The following SLC12A8 variants were observed in gnomAD, a reference collection of about 807,000 sequenced individuals.
SLC12A8 encodes solute carrier family 12 member 8, also known as cation-chloride cotransporter 9.
In SLC12A8, 69 loss-of-function variants were observed where a neutral mutation model predicts 75.6. That is an observed-to-expected ratio of 0.91 (90% CI 0.75 to 1.11). The LOEUF (loss-of-function observed/expected upper bound fraction) is 1.11. Ranked by LOEUF, SLC12A8 falls within the 50% of genes most tolerant of loss-of-function variation. SLC12A8 has a pLI of 0.00. For synonymous variants in SLC12A8, 365 were observed against 372.8 expected (o/e 0.98, Z 0.24); for missense variants, 877 against 896.7 (o/e 0.98, Z 0.28).
At chr3:125,108,555 G>C (rs1939101993) in intron 9 of SLC12A8, among the ~76,000 whole-genome samples, 1 of 152,086 alleles carries the variant, frequency 6.6e-6, no homozygotes, top group African/African-American at 2.4e-5. Context: ...TTCTTGTAGA[G>C]ACGTGGTTTT....
intron 10 of SLC12A8, among the ~76,000 whole-genome samples, chr3:125,096,780 C>T (rs900187112): frequency 1.3e-5 from 2 of 152,078 alleles, no homozygotes; most frequent in South Asian, 4.2e-4. Context: ...ATAAATAATT[C>T]TGTTATGATT....
intron 4 of SLC12A8, among the ~76,000 whole-genome samples, chr3:125,181,854 A>T (rs1934670872): frequency 6.6e-6 from 1 of 152,060 alleles, no homozygotes; most frequent in Non-Finnish European, 1.5e-5. Flanking sequence ...AAAAATATAG[A>T]CTATTAGGAA....
chr3:125,177,893 G>A lies in SLC12A8; in HGVS notation c.472C>T (p.Arg158Ter), dbSNP rs778614400. The A allele has an allele frequency of 9.3e-6, 15 of 1,613,962 alleles. No individual in the cohort carries two copies. Among genetic ancestry groups the A allele is most frequent in the South Asian group, 2.2e-5 (2 of 91,080 alleles). The change falls in exon 5 of 14, where the codon CGA becomes TGA. Residue 158 changes from arginine (R) to a stop codon, truncating the protein, a stop_gained. Transcript: ENST00000469902. LOFTEE classifies it high-confidence loss of function. ...AGAAGCACCGCAACTGAAATTCCTC[G>A]CACAGCCCAGATATTCCCGAGGCCC... ...LLGLGNIWAV[R>*]GISVAVLLAL... is the part of the protein sequence containing the mutation.
At chr3:125,147,788 T>C (rs185151371) in intron 5 of SLC12A8, among the ~76,000 whole-genome samples, 53 of 152,328 alleles carry the variant, frequency 3.5e-4, no homozygotes, top group African/African-American at 1.2e-3. Flanking sequence ...ATGCAAAGTA[T>C]GGTCCCCAAC....
intron 4 of SLC12A8, among the ~76,000 whole-genome samples, chr3:125,178,919 G>C (rs898887533): frequency 6.6e-6 from 1 of 152,014 alleles, no homozygotes; most frequent in African/African-American, 2.4e-5. Context: ...GAAATCCTTG[G>C]CACATGTTTT....
At chr3:125,122,956 C>T (rs1428570920) in intron 6 of SLC12A8, among the ~76,000 whole-genome samples, 2 of 151,988 alleles carry the variant, frequency 1.3e-5, no homozygotes, top group East Asian at 3.8e-4. Context: ...AAAAAAAATC[C>T]AAGAACAACA....
At chr3:125,167,746 G>A (rs996635099) in intron 5 of SLC12A8, among the ~76,000 whole-genome samples, 4 of 152,208 alleles carry the variant, frequency 2.6e-5, no homozygotes, top group Non-Finnish European at 4.4e-5. Flanking sequence ...CCAAGAGCAA[G>A]AACTTAGGTC....
intron 5 of SLC12A8, among the ~76,000 whole-genome samples, chr3:125,174,453 C>A (rs1934477889): frequency 6.6e-6 from 1 of 152,150 alleles, no homozygotes; most frequent in Admixed American, 6.5e-5. Flanking sequence ...ATAGTCTTAC[C>A]ACATGCTCCA....
At chr3:125,173,452 CAAA>C (rs61001520) in intron 5 of SLC12A8, among the ~76,000 whole-genome samples, 9 of 79,620 alleles carry the variant, frequency 1.1e-4, no homozygotes, top group East Asian at 4.2e-4. Flanking sequence ...ATTCATGAGC[CAAA>C]AAAAAAAAAA....
intron 10 of SLC12A8, among the ~76,000 whole-genome samples, chr3:125,101,701 C>G (rs1288320144): frequency 6.6e-6 from 1 of 152,188 alleles, no homozygotes; most frequent in African/African-American, 2.4e-5. Context: ...AATACAGCCT[C>G]AAGTTAATTT....
In SLC12A8 at chr3:125,103,331, A is replaced by G. The variant is rs1451348413; in HGVS notation, c.1705+4150T>C. Among the ~76,000 whole-genome samples, 5 of 152,062 alleles carry G rather than the reference A, an allele frequency of 3.3e-5. No homozygotes were observed. The East Asian group carries it at 5.8e-4, about 18-fold the overall frequency. ...AAGAGCCCAAGAGAAAAACCTCTAGATATTCACATTTGGGGGTCCTCCAGT... is the reference window on the plus strand; with the variant it reads ...AAGAGCCCAAGAGAAAAACCTCTAGGTATTCACATTTGGGGGTCCTCCAGT... On this transcript the variant is annotated intron_variant, in intron 10 of 13. Transcript: ENST00000469902.
chr3:125,130,225 G>C (rs1414092881), intron 6 of SLC12A8, among the ~76,000 whole-genome samples: 2 of 152,184 alleles, frequency 1.3e-5, no homozygotes, highest in Admixed American at 6.5e-5. Flanking sequence ...TTCAGCGGAA[G>C]GACAACGACA....
At chr3:125,112,473 A>C (rs1269991894) in intron 8 of SLC12A8, among the ~76,000 whole-genome samples, 1 of 152,042 alleles carries the variant, frequency 6.6e-6, no homozygotes, top group Non-Finnish European at 1.5e-5. Context: ...TGAGCACCTC[A>C]CAGGTAGAAT....
In SLC12A8 at chr3:125,187,326, T is replaced by G. The variant is rs934195592; in HGVS notation, c.301A>C (p.Ile101Leu). 1 of 1,614,192 alleles carries G rather than the reference T, an allele frequency of 6.2e-7. No individual in the cohort carries two copies. The highest frequency in any genetic ancestry group is 2.2e-5 in the East Asian group (1 of 44,884). Residue 101 changes from isoleucine to leucine, a missense_variant, in exon 4 of 14, where the codon ATC becomes CTC. Physicochemically the swap from Ile to Leu is conservative, Grantham distance 5 (BLOSUM62 2). Transcript: ENST00000469902. ...ATGGAGTAGACGCCACCGCTGCCGATGCTGCTGCGCTCCCCGACGCCAATG... is the reference window on the plus strand; with the variant it reads ...ATGGAGTAGACGCCACCGCTGCCGAGGCTGCTGCGCTCCCCGACGCCAATG... ...SGIGVGERSSIGSGGVYSMIS... is the reference protein window; with the variant it reads ...SGIGVGERSSLGSGGVYSMIS...
intron 8 of SLC12A8, 87 bp from the exon 9 acceptor site, chr3:125,110,422 T>C: frequency 4.4e-6 from 6 of 1,358,180 alleles, no homozygotes; most frequent in South Asian, 2.7e-5. Context: ...CTGCACCCCA[T>C]GCAATCATCC....
intron 5 of SLC12A8, among the ~76,000 whole-genome samples, chr3:125,158,000 A>C (rs996820026): frequency 3.9e-5 from 6 of 152,290 alleles, no homozygotes; most frequent in Non-Finnish European, 8.8e-5. Flanking sequence ...GAGGAGACAA[A>C]GAAATACAGA....
intron 2 of SLC12A8, among the ~76,000 whole-genome samples, chr3:125,195,020 C>T (rs905939991): frequency 6.6e-6 from 1 of 152,226 alleles, no homozygotes; most frequent in Non-Finnish European, 1.5e-5. Context: ...CCACAGTCCA[C>T]ATGTGCAGCT....
At chr3:125,141,862 G>C (rs1191779101) in intron 5 of SLC12A8, among the ~76,000 whole-genome samples, 1 of 152,026 alleles carries the variant, frequency 6.6e-6, no homozygotes, top group African/African-American at 2.4e-5. Flanking sequence ...GCTCCGGACG[G>C]AGCTAGGAGG....
Position 125,085,825 on chromosome 3 carries a change from C to G in SLC12A8, c.1983-1773G>C, listed in dbSNP as rs138520761. On this transcript the variant is annotated intron_variant, in intron 13 of 13. Transcript: ENST00000469902. ...CTCCTGGCCTAAGTGATCGGCCTGC[C>G]TCAGCCTCCCAAAGTGCTGGGATTA... 9.6e-4 allele frequency among the ~76,000 whole-genome samples: 146 copies of G among 152,292 alleles called. 1 individual carries two copies. In the East Asian group the frequency reaches 0.027, roughly 28 times the overall value.
Sources: allele counts gnomAD v4.1 joint callset (sites outside exome capture counted in the v4.1 genomes callset), GRCh38; gene constraint gnomAD v4.1.1; transcripts MANE v1.5; gene names NCBI Gene and HGNC (gene_info 2026-07-23, HGNC 2026-07-21).